The following LHPP variants were observed in gnomAD, a reference collection of about 807,000 sequenced individuals.
The protein encoded by LHPP is phospholysine phosphohistidine inorganic pyrophosphate phosphatase.
LHPP carries 24 observed loss-of-function variants against 30.3 expected under a neutral mutation model. That is an observed-to-expected ratio of 0.79 (90% CI 0.57 to 1.11). The LOEUF is 1.11. LHPP is among the 50% of genes most tolerant of loss of function. The pLI, the probability that LHPP is intolerant of heterozygous loss-of-function variation, is 0.00. For missense variants in LHPP, 356 were observed against 367.2 expected (o/e 0.97, Z 0.25); for synonymous variants, 150 against 157.1 (o/e 0.95, Z 0.34).
intron 4 of LHPP, among the ~76,000 whole-genome samples, chr10:124,497,278 CCCCA>C (rs759649865): frequency 0.28 from 37,216 of 132,306 alleles, 6,333 homozygotes; most frequent in South Asian, 0.5. Flanking sequence ...TCCCCATCCT[CCCCA>C]TCCTCCCCAT....
intron 4 of LHPP, among the ~76,000 whole-genome samples, chr10:124,497,584 C>G (rs1319830071): frequency 6.6e-6 from 1 of 152,238 alleles, no homozygotes; most frequent in Non-Finnish European, 1.5e-5. Context: ...ACATCCCGTC[C>G]CATCCTCACA....
At chr10:124,529,669 G>A (rs547609469) in intron 6 of LHPP, among the ~76,000 whole-genome samples, 18 of 152,280 alleles carry the variant, frequency 1.2e-4, no homozygotes, top group African/African-American at 3.4e-4. Context: ...ACAGCCATCC[G>A]TGAGGGGGAG....
Position 124,517,188 on chromosome 10 carries a change from G to C in LHPP, c.633G>C (p.Met211Ile). 6.2e-7 allele frequency: 1 copy of C among 1,605,174 alleles called. No individual in the cohort carries two copies. The highest frequency in any genetic ancestry group is 8.5e-7 in the Non-Finnish European group (1 of 1,176,092). ...TTTCACTGCCGTGACAGGCCGTCAT[G>C]ATTGGGGACGATATCGTGGGCGACG... Reference protein sequence around the residue: ...AIGVEAHQAVMIGDDIVGDVG... With the variant: ...AIGVEAHQAVIIGDDIVGDVG... The change falls in exon 6 of 7, where the codon ATG becomes ATC. Residue 211 changes from methionine to isoleucine, a missense_variant. Transcript: ENST00000368842. This position sits in a 1 kb window ranked among gnomAD's most constrained non-coding sequence, Gnocchi z 4.1.
chr10:124,471,305 G>A (rs1175407380), intron 1 of LHPP, among the ~76,000 whole-genome samples: 2 of 148,608 alleles, frequency 1.3e-5, no homozygotes, highest in Admixed American at 7.0e-5. Context: ...ACCCCTTGCA[G>A]GTCCCCGGGC....
At position 124,470,509 on chromosome 10, in the gene LHPP, T is replaced by A. The variant is rs146180823; in HGVS notation, c.125+8522T>A. On this transcript the variant is annotated intron_variant, in intron 1 of 6. Coordinates refer to ENST00000368842, the MANE Select transcript of LHPP (RefSeq NM_022126.4). The stretch of plus-strand genomic sequence containing the variant: ...TAAAACGTAGGTGCCTCCTAGTAGG[T>A]CTGGAACAGCGAAGGCCAGGGCCAG... Among the ~76,000 whole-genome samples the A allele has an allele frequency of 1.4e-3, 212 of 152,102 alleles. 6 individuals carry two copies. In the East Asian group the frequency reaches 0.029, roughly 21 times the overall value.
intron 6 of LHPP, among the ~76,000 whole-genome samples, chr10:124,534,042 G>A (rs1475276650): frequency 7.2e-6 from 1 of 139,096 alleles, no homozygotes. Context: ...TGGGGCGGGG[G>A]ATGCAGGGGG....
At chr10:124,499,097 C>G in intron 5 of LHPP, among the ~76,000 whole-genome samples, 1 of 151,426 alleles carries the variant, frequency 6.6e-6, no homozygotes, top group East Asian at 2.0e-4. Flanking sequence ...CCAGGCTGGT[C>G]TCAAATTCCT....
At chr10:124,502,696 A>G (rs1413340747) in intron 5 of LHPP, among the ~76,000 whole-genome samples, 5 of 78,848 alleles carry the variant, frequency 6.3e-5, no homozygotes, top group African/African-American at 2.8e-4. Flanking sequence ...TTTTTTGAGC[A>G]GGAATCTCAT....
At chr10:124,498,460 A>C (rs1210434270) in intron 5 of LHPP, 46 of 1,490,940 alleles carry the variant, frequency 3.1e-5, no homozygotes, top group Non-Finnish European at 6.2e-6. Flanking sequence ...ACAGTGTAAC[A>C]GCAAGATTAC....
Position 124,576,503 on chromosome 10 carries a change from T to G in LHPP, c.717-36761T>G, listed in dbSNP as rs1948664856. Among the ~76,000 whole-genome samples, 1 of 150,530 alleles carries G rather than the reference T, an allele frequency of 6.6e-6. No individual in the cohort carries two copies. Among genetic ancestry groups the G allele is most frequent in the Non-Finnish European group, 1.5e-5 (1 of 67,664 alleles). ...CTTGCTCCCACTCCCTACCATATGC[T>G]GTTCCCAGACCCCCCTCCATGGCCT... On this transcript the variant is annotated intron_variant, in intron 6 of 6. Coordinates refer to ENST00000368842, the MANE Select transcript of LHPP (RefSeq NM_022126.4). The surrounding 1 kb of genome is among the most constrained non-coding windows in gnomAD (Gnocchi z 4.2).
At chr10:124,497,386 A>G (rs1953758210) in intron 4 of LHPP, among the ~76,000 whole-genome samples, 1 of 151,490 alleles carries the variant, frequency 6.6e-6, no homozygotes, top group Non-Finnish European at 1.5e-5. Context: ...TGGCTTCTGT[A>G]TCAGTGCTGA....
chr10:124,611,274 C>T (rs1342050204), intron 6 of LHPP, among the ~76,000 whole-genome samples: 1 of 152,050 alleles, frequency 6.6e-6, no homozygotes, highest in Non-Finnish European at 1.5e-5. Flanking sequence ...GAACACAGGG[C>T]TGGGAGTAGA....
intron 6 of LHPP, among the ~76,000 whole-genome samples, chr10:124,542,776 C>A (rs1207754126): frequency 1.3e-5 from 2 of 152,190 alleles, no homozygotes; most frequent in African/African-American, 4.8e-5. Flanking sequence ...CCTCCTTGCC[C>A]CTACTCTCCC....
intron 6 of LHPP, among the ~76,000 whole-genome samples, chr10:124,546,390 T>C (rs140262117): frequency 6.6e-6 from 1 of 152,086 alleles, no homozygotes; most frequent in African/African-American, 2.4e-5. Flanking sequence ...CATGTGGTTG[T>C]ATGTTTTTTT....
At position 124,517,340 on chromosome 10, in the gene LHPP, T is replaced by C; in HGVS notation, c.716+69T>C. 2 of 1,031,424 alleles carry C rather than the reference T, an allele frequency of 1.9e-6. No individual in the cohort carries two copies. Among genetic ancestry groups the C allele is most frequent in the Non-Finnish European group, 2.8e-6 (2 of 720,362 alleles). The allele number at this position is 1,031,424 out of a possible 1,614,324, so 63.9% of individuals were successfully genotyped here. ...ATGACCACATTCTCATTCTGTTTTG[T>C]TCTTCAAAATAAAGGGGATATTCTT... On this transcript the variant is annotated intron_variant, in intron 6 of 6. Coordinates refer to ENST00000368842, the MANE Select transcript of LHPP (RefSeq NM_022126.4). The surrounding 1 kb of genome is among the most constrained non-coding windows in gnomAD (Gnocchi z 4.1).
intron 5 of LHPP, among the ~76,000 whole-genome samples, chr10:124,500,338 G>A (rs1335990194): frequency 1.3e-5 from 2 of 151,798 alleles, no homozygotes; most frequent in African/African-American, 4.9e-5. Context: ...CGGGTGTGGT[G>A]GTATGCACCT....
intron 3 of LHPP, among the ~76,000 whole-genome samples, chr10:124,493,143 C>T (rs1426944619): frequency 6.7e-6 from 1 of 150,082 alleles, no homozygotes; most frequent in Non-Finnish European, 1.5e-5. Context: ...CGGAAGCAGT[C>T]GCTTTCAGCT....
intron 6 of LHPP, among the ~76,000 whole-genome samples, chr10:124,573,440 T>C (rs532886978): frequency 1.8e-4 from 27 of 152,290 alleles, no homozygotes; most frequent in Non-Finnish European, 3.5e-4. Context: ...GCCTCCCAAG[T>C]AGGTGGGAGT....
At chr10:124,501,211 G>C (rs1251493708) in intron 5 of LHPP, among the ~76,000 whole-genome samples, 2 of 151,904 alleles carry the variant, frequency 1.3e-5, no homozygotes, top group African/African-American at 2.4e-5. Flanking sequence ...CAAATCCATA[G>C]AGATGGAAAG....
Sources: allele counts gnomAD v4.1 joint callset (sites outside exome capture counted in the v4.1 genomes callset), GRCh38; gene constraint gnomAD v4.1.1; non-coding constraint Gnocchi (gnomAD v3.1); transcripts MANE v1.5; gene names NCBI Gene and HGNC (gene_info 2026-07-23, HGNC 2026-07-21).